Variants in FBXL17 observed in about 807,000 individuals in gnomAD.
FBXL17 encodes F-box/LRR-repeat protein 17.
In FBXL17, 22 loss-of-function variants were observed where a neutral mutation model predicts 66.2. The observed-to-expected ratio is 0.33, with a 90% CI of 0.24 to 0.47. The LOEUF (loss-of-function observed/expected upper bound fraction) is 0.47. FBXL17 is among the 20% of genes least tolerant of loss of function. The pLI, the probability that FBXL17 is intolerant of heterozygous loss-of-function variation, is 1.00. For synonymous variants in FBXL17, 474 were observed against 400.5 expected (o/e 1.18, Z -2.19); for missense variants, 878 against 948.2 (o/e 0.93, Z 0.97).
intron 7 of FBXL17, among the ~76,000 whole-genome samples, chr5:107,908,860 G>A (rs1014340292): frequency 9.2e-5 from 14 of 152,156 alleles, no homozygotes; most frequent in Admixed American, 8.5e-4. Flanking sequence ...AGTTTGAGAA[G>A]TTGAACTGTA....
rs190831415 is a variant in FBXL17 at position 108,264,020 on chromosome 5, C to A, written c.1507-39792G>T. Among the ~76,000 whole-genome samples, 428 of 151,804 alleles carry A rather than the reference C, an allele frequency of 2.8e-3. 4 individuals carry two copies. Among genetic ancestry groups the A allele is most frequent in the African/African-American group, 9.8e-3 (405 of 41,378 alleles). On this transcript the variant is annotated intron_variant, in intron 4 of 8. Transcript: ENST00000542267. ...CACGAGGTCAGGAGTTCGAGACCAA[C>A]CTGGCCAATGCTGGTGAAACCCCAT...
intron 6 of FBXL17, among the ~76,000 whole-genome samples, chr5:108,043,042 G>A: frequency 6.6e-6 from 1 of 152,118 alleles, no homozygotes; most frequent in South Asian, 2.1e-4. Context: ...TCAGTGAAAT[G>A]TCTATGTCAT....
intron 6 of FBXL17, among the ~76,000 whole-genome samples, chr5:108,079,504 T>G (rs559685832): frequency 4.7e-4 from 71 of 152,312 alleles, no homozygotes; most frequent in African/African-American, 1.7e-3. Flanking sequence ...AGAGTTTCAA[T>G]ACTGTTAAAG....
intron 7 of FBXL17, among the ~76,000 whole-genome samples, chr5:108,007,125 G>T (rs574110914): frequency 1.3e-5 from 2 of 152,198 alleles, no homozygotes; most frequent in Non-Finnish European, 2.9e-5. Flanking sequence ...TTAAATGGAA[G>T]AATATAGGTC....
At chr5:107,888,177 T>C (rs1391942333) in intron 7 of FBXL17, among the ~76,000 whole-genome samples, 2 of 152,052 alleles carry the variant, frequency 1.3e-5, no homozygotes, top group Admixed American at 6.5e-5. Flanking sequence ...CTTTTCTTCA[T>C]TGTACTTATT....
At chr5:107,890,922 C>A (rs536397206) in intron 7 of FBXL17, among the ~76,000 whole-genome samples, 39 of 152,238 alleles carry the variant, frequency 2.6e-4, no homozygotes, top group African/African-American at 9.4e-4. Context: ...ATGTGTCAGG[C>A]AAATGTTTCA....
chr5:107,926,441 T>C (rs1408581720), intron 7 of FBXL17, among the ~76,000 whole-genome samples: 2 of 152,128 alleles, frequency 1.3e-5, no homozygotes, highest in Non-Finnish European at 2.9e-5. Flanking sequence ...TTATACTAGT[T>C]ATAATCCTTC....
chr5:108,013,487 C>G (rs1754261813), intron 7 of FBXL17, among the ~76,000 whole-genome samples: 1 of 152,170 alleles, frequency 6.6e-6, no homozygotes, highest in Non-Finnish European at 1.5e-5. Context: ...CTTCCTTCTC[C>G]TCTCTGTTCT....
In FBXL17 at chr5:108,037,253, T is replaced by C. The variant is rs562840399; in HGVS notation, c.1746-16252A>G. Among the ~76,000 whole-genome samples the C allele has an allele frequency of 2.8e-4, 43 of 152,298 alleles. No individual in the cohort carries two copies. In the Middle Eastern group the frequency reaches 0.01, roughly 36 times the overall value. The stretch of plus-strand genomic sequence containing the variant: ...GGTATTGAAAATTATAAAGTGCCAT[T>C]AATTTCAAGAAACTCATTTTACACT... On this transcript the variant is annotated intron_variant, in intron 6 of 8. Transcript: ENST00000542267.
rs932755814 is a variant in FBXL17, at chr5:108,183,307, A to G, written c.1745+2810T>C. Among the ~76,000 whole-genome samples the G allele has an allele frequency of 5.9e-5, 9 of 152,188 alleles. No homozygotes were observed. In the East Asian group the frequency reaches 1.4e-3, roughly 23 times the overall value. On this transcript the variant is annotated intron_variant, in intron 6 of 8. Transcript: ENST00000542267. ...GCCCGCCTCAGCCTCCCAAAGTGCT[A>G]GGCTTACAGGCGTGAGCCACCACGC...
At chr5:107,871,879 G>A (rs1206123911) in intron 8 of FBXL17, among the ~76,000 whole-genome samples, 2 of 152,098 alleles carry the variant, frequency 1.3e-5, no homozygotes, top group African/African-American at 4.8e-5. Context: ...AAGTTAAGCT[G>A]AAAAACATAA....
intron 7 of FBXL17, among the ~76,000 whole-genome samples, chr5:107,992,088 TTG>T (rs3039988): frequency 0.11 from 16,811 of 149,068 alleles, 2,062 homozygotes; most frequent in African/African-American, 0.3. Context: ...ATCATATTAA[TTG>T]TGTGTGTGTG....
chr5:108,228,694 A>C (rs1755200073), intron 4 of FBXL17, among the ~76,000 whole-genome samples: 2 of 152,180 alleles, frequency 1.3e-5, no homozygotes, highest in South Asian at 2.1e-4. Flanking sequence ...GTTGAAATGC[A>C]TAAGAGAATA....
intron 4 of FBXL17, among the ~76,000 whole-genome samples, chr5:108,317,489 T>G (rs930616299): frequency 6.6e-6 from 1 of 151,200 alleles, no homozygotes; most frequent in African/African-American, 2.4e-5. Flanking sequence ...TATGTACAAC[T>G]ACTATACATC....
intron 6 of FBXL17, among the ~76,000 whole-genome samples, chr5:108,113,266 A>G (rs1282482237): frequency 6.6e-6 from 1 of 152,058 alleles, no homozygotes; most frequent in African/African-American, 2.4e-5. Flanking sequence ...CAGTCTCTTT[A>G]TTTTCTAAGT....
At chr5:108,253,162 T>C (rs1756432635) in intron 4 of FBXL17, among the ~76,000 whole-genome samples, 1 of 152,128 alleles carries the variant, frequency 6.6e-6, no homozygotes, top group Non-Finnish European at 1.5e-5. Context: ...AGAAAAGCTT[T>C]CCCAACCTGT....
intron 7 of FBXL17, among the ~76,000 whole-genome samples, chr5:107,896,178 A>G (rs1470502132): frequency 6.6e-6 from 1 of 152,196 alleles, no homozygotes; most frequent in Non-Finnish European, 1.5e-5. Context: ...GTTAACCAGA[A>G]GTATCCCGCA....
intron 6 of FBXL17, among the ~76,000 whole-genome samples, chr5:108,065,867 T>C (rs1484301171): frequency 6.6e-6 from 1 of 152,074 alleles, no homozygotes; most frequent in Non-Finnish European, 1.5e-5. Context: ...ACCAGGACTA[T>C]CTGAACCGGA....
chr5:107,887,762 C>A (rs1386469310), intron 7 of FBXL17, among the ~76,000 whole-genome samples: 1 of 152,138 alleles, frequency 6.6e-6, no homozygotes, highest in Non-Finnish European at 1.5e-5. Flanking sequence ...ATCACAGGTG[C>A]CTATTCAAAG....
Sources: gnomAD v4.1 joint callset for allele counts (sites outside exome capture counted in the v4.1 genomes callset) on GRCh38, gnomAD v4.1.1 for gene constraint, MANE v1.5 for transcripts, NCBI Gene and HGNC (gene_info 2026-07-23, HGNC 2026-07-21) for gene names.